NCAM2: variants seen among roughly 807,000 people sequenced by gnomAD.
NCAM2 encodes neural cell adhesion molecule 2, also known as N-CAM-2.
Under a neutral mutation model 98.1 loss-of-function variants are expected in NCAM2, and 30 were observed. The observed-to-expected ratio is 0.31, with a 90% CI of 0.23 to 0.41. The LOEUF (loss-of-function observed/expected upper bound fraction) is 0.41. Ranked by LOEUF, NCAM2 falls within the 10% of genes least tolerant of loss-of-function variation. The pLI is 1.00. For missense variants in NCAM2, 867 were observed against 1,005.8 expected, an observed-to-expected ratio of 0.86 and a Z score of 1.87; for synonymous variants, 368 against 342.4, an observed-to-expected ratio of 1.07 and a Z score of -0.83.
intron 1 of NCAM2, among the ~76,000 whole-genome samples, chr21:21,082,432 G>A (rs1030496181): frequency 6.6e-6 from 1 of 151,940 alleles, no homozygotes; most frequent in Non-Finnish European, 1.5e-5. Flanking sequence ...TGCCTTAAGT[G>A]TCCTGTTTCG....
chr21:21,300,408 G>A (rs2073670889), intron 5 of NCAM2, among the ~76,000 whole-genome samples: 1 of 151,970 alleles, frequency 6.6e-6, no homozygotes, highest in African/African-American at 2.4e-5. Context: ...AATGACTTTG[G>A]AGGTTGCCAG....
intron 1 of NCAM2, among the ~76,000 whole-genome samples, chr21:21,275,454 T>C (rs1055602074): frequency 6.7e-6 from 1 of 150,244 alleles, no homozygotes; most frequent in African/African-American, 2.4e-5. Flanking sequence ...AAATAAAAAA[T>C]AAAAATAAAT....
At chr21:21,382,822 G>T (rs912284191) in intron 9 of NCAM2, among the ~76,000 whole-genome samples, 9 of 151,804 alleles carry the variant, frequency 5.9e-5, no homozygotes, top group Non-Finnish European at 1.2e-4. Context: ...GAGCCACTGC[G>T]ACTGGCCCAA....
At chr21:21,378,337 A>G (rs1602156880) in intron 9 of NCAM2, among the ~76,000 whole-genome samples, 2 of 151,938 alleles carry the variant, frequency 1.3e-5, no homozygotes, top group East Asian at 3.9e-4. Context: ...CCTCTTCAGT[A>G]CTTGTTATTG....
chr21:21,246,238 C>G (rs2071266867), intron 1 of NCAM2, among the ~76,000 whole-genome samples: 1 of 152,052 alleles, frequency 6.6e-6, no homozygotes, highest in Non-Finnish European at 1.5e-5. Context: ...GGGAAGTGAA[C>G]TGTCCAAATG....
Position 21,542,654 on chromosome 21 carries a change from C to T in NCAM2, c.*4697C>T, listed in dbSNP as rs1261473789. On this transcript the variant is annotated 3_prime_UTR_variant, in exon 18 of 18. Transcript: ENST00000400546. ...AACCCGACATAGGAGAGTAGAGAAACAAAGAAATGAGTGGATCTAGAAAGG... is the reference window on the plus strand; with the variant it reads ...AACCCGACATAGGAGAGTAGAGAAATAAAGAAATGAGTGGATCTAGAAAGG... The T allele has an allele frequency of 6.6e-6, 1 of 151,622 alleles. No individual in the cohort carries two copies. The highest frequency in any genetic ancestry group is 1.5e-5 in the Non-Finnish European group (1 of 67,808). 9.4% of individuals were successfully genotyped at this position (151,622 alleles called of 1,614,324 possible).
chr21:21,507,662 C>T (rs1988070681), intron 15 of NCAM2, among the ~76,000 whole-genome samples: 1 of 151,430 alleles, frequency 6.6e-6, no homozygotes, highest in African/African-American at 2.4e-5. Context: ...GGTGCAGTGG[C>T]GCCTGTAGTC....
At chr21:21,158,578 C>T (rs1200909979) in intron 1 of NCAM2, among the ~76,000 whole-genome samples, 2 of 149,250 alleles carry the variant, frequency 1.3e-5, no homozygotes, top group Non-Finnish European at 3.0e-5. Context: ...GCTTTCCAGC[C>T]TGGCGACAGA....
intron 8 of NCAM2, among the ~76,000 whole-genome samples, chr21:21,364,511 C>A (rs1231298901): frequency 9.9e-5 from 15 of 151,810 alleles, no homozygotes; most frequent in African/African-American, 3.6e-4. Flanking sequence ...TATAAGATTT[C>A]TTATACATCT....
At chr21:21,421,913 C>A (rs1470565400) in intron 11 of NCAM2, among the ~76,000 whole-genome samples, 12 of 152,008 alleles carry the variant, frequency 7.9e-5, no homozygotes. Flanking sequence ...ACATTTTTTC[C>A]TTTTTTCCTC....
intron 1 of NCAM2, among the ~76,000 whole-genome samples, chr21:21,277,927 G>T (rs2072786610): frequency 6.6e-6 from 1 of 152,042 alleles, no homozygotes; most frequent in Non-Finnish European, 1.5e-5. Context: ...TTTGAAAATT[G>T]ATTGATGGTG....
intron 9 of NCAM2, 59 bp from the exon 10 acceptor site, chr21:21,410,215 T>G (rs776027413): frequency 3.0e-5 from 28 of 939,718 alleles, no homozygotes; most frequent in Non-Finnish European, 3.9e-5. Flanking sequence ...TTATACTACT[T>G]AAATGATTAT....
At chr21:21,372,643 A>G (rs748509435) in intron 8 of NCAM2, among the ~76,000 whole-genome samples, 4 of 151,900 alleles carry the variant, frequency 2.6e-5, no homozygotes, top group Non-Finnish European at 2.9e-5. Context: ...TTGGACTTTT[A>G]GTGCAAGTAT....
In NCAM2 at chr21:21,373,967, A is replaced by G. The variant is rs768586435; in HGVS notation, c.1149A>G (p.Ala383=). 5.7e-5 allele frequency: 92 copies of G among 1,611,054 alleles called. No homozygotes were observed. Among genetic ancestry groups the G allele is most frequent in the Non-Finnish European group, 7.4e-5 (87 of 1,178,250 alleles). Residue 383 remains alanine (A), a synonymous_variant, in exon 9 of 18, where the codon GCA becomes GCG. Transcript: ENST00000400546. ...CAGGGAGATATGACTGTGAAGCTGC[A>G]AGCAGAATTGGAGGGCATCAAAAGA... ...SDSGRYDCEA[A]SRIGGHQKSM... is the part of the protein sequence containing the mutation.
chr21:21,489,230 A>G (rs576732642), intron 15 of NCAM2, among the ~76,000 whole-genome samples: 6 of 152,146 alleles, frequency 3.9e-5, no homozygotes, highest in African/African-American at 1.4e-4. Context: ...CCTGAACCCA[A>G]TTGATCCTCC....
intron 1 of NCAM2, among the ~76,000 whole-genome samples, chr21:21,060,845 G>A (rs1191588084): frequency 6.6e-6 from 1 of 152,106 alleles, no homozygotes; most frequent in African/African-American, 2.4e-5. Flanking sequence ...TTGGTTGATG[G>A]TGAATGTCCT....
chr21:21,476,369 G>A (rs1985168768), intron 14 of NCAM2, among the ~76,000 whole-genome samples: 1 of 151,914 alleles, frequency 6.6e-6, no homozygotes, highest in Non-Finnish European at 1.5e-5. Context: ...CTAAGGCCCT[G>A]AAATACACAA....
chr21:21,172,903 A>T (rs903133273), intron 1 of NCAM2, among the ~76,000 whole-genome samples: 2 of 152,138 alleles, frequency 1.3e-5, no homozygotes, highest in East Asian at 3.8e-4. Flanking sequence ...AATAAATTAG[A>T]AAATAAAATA....
chr21:21,087,641 T>G (rs1041824936), intron 1 of NCAM2, among the ~76,000 whole-genome samples: 3 of 152,206 alleles, frequency 2.0e-5, no homozygotes, highest in Non-Finnish European at 4.4e-5. Context: ...ATCTGTTTCT[T>G]GTTGGGACCA....
Sources: allele counts gnomAD v4.1 joint callset (sites outside exome capture counted in the v4.1 genomes callset), GRCh38; gene constraint gnomAD v4.1.1; transcripts MANE v1.5; gene names NCBI Gene and HGNC (gene_info 2026-07-23, HGNC 2026-07-21).